Variants in COL25A1 observed in about 807,000 individuals in gnomAD.
COL25A1 encodes the protein collagen alpha-1(XXV) chain.
COL25A1 carries 103 observed loss-of-function variants against 128.4 expected under a neutral mutation model. That is an observed-to-expected ratio of 0.80 (90% CI 0.68 to 0.94). The LOEUF (loss-of-function observed/expected upper bound fraction) is 0.94, where lower values mean the gene tolerates loss of function less well. Among genes scored for constraint, COL25A1 ranks in the 40% least tolerant of loss-of-function variants. The pLI, the probability that COL25A1 is intolerant of heterozygous loss-of-function variation, is 0.00. For synonymous variants in COL25A1, 279 were observed against 277.2 expected (o/e 1.01, Z -0.06); for missense variants, 745 against 840.0 (o/e 0.89, Z 1.40).
At chr4:108,966,315 T>C (rs1213256823) in intron 8 of COL25A1, among the ~76,000 whole-genome samples, 1 of 152,204 alleles carries the variant, frequency 6.6e-6, no homozygotes, top group Non-Finnish European at 1.5e-5. Flanking sequence ...TCTATCATAA[T>C]TACAAAGAAA....
chr4:109,051,481 AG>A (rs1287484981), intron 3 of COL25A1, among the ~76,000 whole-genome samples: 2 of 152,188 alleles, frequency 1.3e-5, no homozygotes, highest in Non-Finnish European at 2.9e-5. Context: ...TCTAGAATAA[AG>A]GGATGTTTTC....
chr4:109,095,094 T>C (rs1262125924), intron 3 of COL25A1, among the ~76,000 whole-genome samples: 1 of 152,222 alleles, frequency 6.6e-6, no homozygotes, highest in Non-Finnish European at 1.5e-5. Context: ...TGAATAACGT[T>C]GCAATACACT....
intron 3 of COL25A1, among the ~76,000 whole-genome samples, chr4:109,082,536 C>T (rs1340874011): frequency 6.6e-6 from 1 of 152,156 alleles, no homozygotes; most frequent in East Asian, 1.9e-4. Flanking sequence ...GTGCATTTTC[C>T]TGATTACTAA....
chr4:108,962,644 A>G (rs1448109924), intron 8 of COL25A1, among the ~76,000 whole-genome samples: 2 of 152,172 alleles, frequency 1.3e-5, no homozygotes, highest in Non-Finnish European at 2.9e-5. Context: ...GATTCGTGCT[A>G]AATTCACAAG....
At chr4:109,097,746 C>A (rs1268783166) in intron 3 of COL25A1, among the ~76,000 whole-genome samples, 1 of 149,894 alleles carries the variant, frequency 6.7e-6, no homozygotes, top group African/African-American at 2.5e-5. Context: ...TCACTGCAAC[C>A]TCCGCCTCCT....
rs2125698039 is a variant in COL25A1, at chr4:108,811,694, C to T, written c.*2233G>A. On this transcript the variant is annotated 3_prime_UTR_variant, in exon 38 of 38. Transcript: ENST00000399132. Reference sequence around the variant, plus strand: ...AGCAATACGTTATCCTAACACCATGCCATACAAGAAATTGTTAGAAAATGT... The same window carrying T: ...AGCAATACGTTATCCTAACACCATGTCATACAAGAAATTGTTAGAAAATGT... 6.6e-6 allele frequency: 1 copy of T among 152,164 alleles called. No homozygotes were observed. The highest frequency in any genetic ancestry group is 6.5e-5 in the Admixed American group (1 of 15,276). The allele number at this position is 152,164 out of a possible 1,614,324, so 9.4% of individuals were successfully genotyped here. A position where few individuals can be genotyped will look rare whatever the true frequency, so the allele number is the denominator to read the frequency against.
At chr4:109,024,888 G>A (rs1304203004) in intron 5 of COL25A1, among the ~76,000 whole-genome samples, 1 of 152,092 alleles carries the variant, frequency 6.6e-6, no homozygotes, top group African/African-American at 2.4e-5. Flanking sequence ...CTTTCTGTAT[G>A]CCACATATCA....
chr4:109,195,359 G>A (rs141744972), intron 3 of COL25A1, among the ~76,000 whole-genome samples: 1 of 152,226 alleles, frequency 6.6e-6, no homozygotes, highest in Admixed American at 6.5e-5. Context: ...TACTGTGGTT[G>A]CTTGTTATGT....
chr4:109,298,596 A>T (rs1725217213), intron 3 of COL25A1, among the ~76,000 whole-genome samples: 1 of 152,220 alleles, frequency 6.6e-6, no homozygotes, highest in Admixed American at 6.5e-5. Context: ...CAGCCCATTC[A>T]TTCCCTAAGA....
intron 3 of COL25A1, among the ~76,000 whole-genome samples, chr4:109,064,395 A>C (rs1397678858): frequency 6.6e-6 from 1 of 152,234 alleles, no homozygotes; most frequent in Non-Finnish European, 1.5e-5. Flanking sequence ...TGTAGACATA[A>C]TTACAAAGTT....
chr4:109,250,692 T>C (rs1046280117), intron 3 of COL25A1, among the ~76,000 whole-genome samples: 24 of 152,190 alleles, frequency 1.6e-4, no homozygotes, highest in African/African-American at 5.5e-4. Context: ...GGTTTTCCCA[T>C]ATTGGGGTGG....
At chr4:109,185,164 C>CT (rs551984973) in intron 3 of COL25A1, among the ~76,000 whole-genome samples, 3 of 152,148 alleles carry the variant, frequency 2.0e-5, no homozygotes, top group Non-Finnish European at 2.9e-5. Context: ...ATAATCATAG[C>CT]TTTACTTCCC....
At chr4:108,867,407 C>G (rs541583264) in intron 20 of COL25A1, among the ~76,000 whole-genome samples, 1 of 152,350 alleles carries the variant, frequency 6.6e-6, no homozygotes, top group East Asian at 1.9e-4. Context: ...CTCACTCTCT[C>G]TTTTTATTCC....
chr4:109,025,739 T>C (rs2125907698), intron 5 of COL25A1, among the ~76,000 whole-genome samples: 1 of 152,274 alleles, frequency 6.6e-6, no homozygotes, highest in South Asian at 2.1e-4. Flanking sequence ...TGAATCGTAA[T>C]AGCTACCACT....
chr4:108,941,457 C>T lies in COL25A1; in HGVS notation c.493-20G>A. ...CACCATCTGATCAGTCAGTTGAGGT[C>T]AAAGGTTGAAGTTCAGAGATGAGAG... On this transcript the variant is annotated intron_variant, in intron 8 of 37. Transcript: ENST00000399132. 6.2e-7 allele frequency: 1 copy of T among 1,601,528 alleles called. No individual in the cohort carries two copies. The highest frequency in any genetic ancestry group is 1.1e-5 in the South Asian group (1 of 90,736).
chr4:109,218,256 C>T (rs1488179605), intron 3 of COL25A1, among the ~76,000 whole-genome samples: 1 of 148,880 alleles, frequency 6.7e-6, no homozygotes, highest in Admixed American at 6.8e-5. Context: ...GGAAGCTTCA[C>T]AATACTTTGT....
At position 108,818,645 on chromosome 4, in the gene COL25A1, G is replaced by A. The variant is rs918840819; in HGVS notation, c.1923+607C>T. Among the ~76,000 whole-genome samples the A allele has an allele frequency of 2.6e-5, 4 of 152,218 alleles. No homozygotes were observed. The South Asian group carries it at 8.3e-4, about 32-fold the overall frequency. Reference sequence around the variant, plus strand: ...TTTAGGAAAGTGAGTTTCAAAAGGAGAGACCATTAAACTGAAAAGGTTATG... The same window carrying A: ...TTTAGGAAAGTGAGTTTCAAAAGGAAAGACCATTAAACTGAAAAGGTTATG... On this transcript the variant is annotated intron_variant, in intron 36 of 37. Coordinates refer to ENST00000399132, the MANE Select transcript of COL25A1 (RefSeq NM_198721.4).
intron 3 of COL25A1, among the ~76,000 whole-genome samples, chr4:109,105,620 A>G (rs1766356836): frequency 6.6e-6 from 1 of 152,232 alleles, no homozygotes; most frequent in South Asian, 2.1e-4. Context: ...TAATGGAAAG[A>G]ACAGAAAGAA....
chr4:108,940,761 C>G, intron 9 of COL25A1, 115 bp from the exon 10 acceptor site: 1 of 657,528 alleles, frequency 1.5e-6, no homozygotes, highest in Non-Finnish European at 2.5e-6. Flanking sequence ...TGAAAAGAAC[C>G]AGAACAACCA....
Sources: gnomAD v4.1 joint callset for allele counts (sites outside exome capture counted in the v4.1 genomes callset) on GRCh38, gnomAD v4.1.1 for gene constraint, MANE v1.5 for transcripts, NCBI Gene and HGNC (gene_info 2026-07-23, HGNC 2026-07-21) for gene names.